SLC4A8: variants seen among roughly 807,000 people sequenced by gnomAD.
The protein encoded by SLC4A8 is electroneutral sodium bicarbonate exchanger 1.
SLC4A8 carries 40 observed loss-of-function variants against 125.0 expected under a neutral mutation model. The ratio of observed to expected loss-of-function variants is 0.32; its 90% CI spans 0.25 to 0.42. The LOEUF is 0.42. SLC4A8 is among the 10% of genes least tolerant of loss of function. The pLI, the probability that SLC4A8 is intolerant of heterozygous loss-of-function variation, is 1.00. For synonymous variants in SLC4A8, 456 were observed against 476.0 expected (o/e 0.96, Z 0.55); for missense variants, 863 against 1,355.1 (o/e 0.64, Z 5.70).
At chr12:51,457,284 C>G in intron 5 of SLC4A8, 67 bp from the exon 6 acceptor site, 2 of 1,400,432 alleles carry the variant, frequency 1.4e-6, no homozygotes, top group Admixed American at 3.6e-5. Flanking sequence ...CCCACTCCAC[C>G]TGATGTTGGC....
chr12:51,393,762 T>A (rs1948207181), intron 1 of SLC4A8, among the ~76,000 whole-genome samples: 1 of 152,136 alleles, frequency 6.6e-6, no homozygotes, highest in African/African-American at 2.4e-5. Context: ...TTCCACCAAC[T>A]CCCTTCCTTT....
intron 16 of SLC4A8, among the ~76,000 whole-genome samples, chr12:51,482,296 ATAAT>A (rs1445563688): frequency 2.6e-5 from 4 of 152,174 alleles, no homozygotes; most frequent in African/African-American, 9.6e-5. Context: ...AAATAAAATA[ATAAT>A]TTGATAAATA....
chr12:51,397,180 G>A (rs916306695), intron 1 of SLC4A8, among the ~76,000 whole-genome samples: 4 of 151,770 alleles, frequency 2.6e-5, no homozygotes, highest in African/African-American at 7.3e-5. Context: ...CGCCCACCTC[G>A]GCCTCCCAAA....
In SLC4A8 at chr12:51,488,807, A is replaced by G; in HGVS notation, c.2395A>G (p.Met799Val). The G allele has an allele frequency of 6.2e-7, 1 of 1,613,860 alleles. No individual in the cohort carries two copies. Among genetic ancestry groups the G allele is most frequent in the South Asian group, 1.1e-5 (1 of 91,060 alleles). ...TCTTCTCTGTACTATCTTGATATTC[A>G]TGGATCAGCAGATCACAGCCGTCAT... ...PALLCTILIFMDQQITAVIIN... is the reference protein window; with the variant it reads ...PALLCTILIFVDQQITAVIIN... The change falls in exon 18 of 25, where the codon ATG (methionine) becomes GTG (valine). Residue 799 changes from methionine to valine, a missense_variant. Physicochemically the swap from Met to Val is conservative, Grantham distance 21. Coordinates refer to ENST00000453097, the MANE Select transcript of SLC4A8 (RefSeq NM_001039960.3).
intron 1 of SLC4A8, among the ~76,000 whole-genome samples, chr12:51,426,421 T>C (rs1948981569): frequency 6.6e-6 from 1 of 152,222 alleles, no homozygotes; most frequent in South Asian, 2.1e-4. Flanking sequence ...AGTACTATTT[T>C]TAATCAAATA....
In SLC4A8 at chr12:51,418,638, G is replaced by A. The variant is rs75838586; in HGVS notation, c.-111-22070G>A. Among the ~76,000 whole-genome samples the A allele has an allele frequency of 4.1e-3, 623 of 152,216 alleles. 24 individuals carry two copies. The East Asian group carries it at 0.092, about 22-fold the overall frequency. ...CTCTGCCTTCTTTAAGGAGGGGGCC[G>A]GCCCTTTCAATTTGGTAAAATGTTA... On this transcript the variant is annotated intron_variant, in intron 1 of 24. Transcript: ENST00000358657.
At chr12:51,452,003 CT>C in intron 3 of SLC4A8, 120 bp from the exon 4 acceptor site, 1 of 889,694 alleles carries the variant, frequency 1.1e-6, no homozygotes, top group Non-Finnish European at 1.7e-6. Context: ...ATAAAGAAAT[CT>C]TTTTCTTCTG....
At chr12:51,459,833 C>T in intron 7 of SLC4A8, 118 bp from the exon 8 acceptor site, 1 of 811,806 alleles carries the variant, frequency 1.2e-6, no homozygotes, top group Non-Finnish European at 2.0e-6. Flanking sequence ...TGCGCCACTG[C>T]ACTCCAGAGT....
chr12:51,441,080 T>G (rs1949578845), intron 2 of SLC4A8: 2 of 1,082,600 alleles, frequency 1.8e-6, no homozygotes. Context: ...GAGAATGTGA[T>G]GTACTCAGTT....
rs2137903023 is a variant in SLC4A8 at position 51,393,657 on chromosome 12, G to C, written c.-112+2169G>C. Reference sequence around the variant, plus strand: ...AGAGTTGCCCAGCTACACATGATCAGAGTGACGTGAAGGATGGACATTCTC... The same window carrying C: ...AGAGTTGCCCAGCTACACATGATCACAGTGACGTGAAGGATGGACATTCTC... On this transcript the variant is annotated intron_variant, in intron 1 of 24. Coordinates refer to the SLC4A8 transcript ENST00000358657. Among the ~76,000 whole-genome samples, 3 of 152,352 alleles carry C rather than the reference G, an allele frequency of 2.0e-5. No homozygotes were observed. In the South Asian group the frequency reaches 6.2e-4, roughly 32 times the overall value.
intron 1 of SLC4A8, among the ~76,000 whole-genome samples, chr12:51,436,588 C>G (rs1275176160): frequency 2.0e-5 from 3 of 152,002 alleles, no homozygotes. Context: ...TCTTTTGTGA[C>G]TTTTTCTTCT....
intron 9 of SLC4A8, chr12:51,462,054 C>A: frequency 2.8e-6 from 1 of 359,864 alleles, no homozygotes; most frequent in Non-Finnish European, 5.0e-6. Context: ...CATAATTGTA[C>A]AACTTTAGAC....
chr12:51,474,981 G>C, intron 15 of SLC4A8, 64 bp from the exon 16 acceptor site: 1 of 1,435,700 alleles, frequency 7.0e-7, no homozygotes, highest in East Asian at 2.3e-5. Context: ...GGTGGACTCA[G>C]TAGGAAACAG....
At position 51,424,888 on chromosome 12, in the gene SLC4A8, G is replaced by T. The variant is rs966050473; in HGVS notation, c.-100G>T. The stretch of plus-strand genomic sequence containing the variant: ...GATGGTTGACCGTTGGCTCCGGGGT[G>T]GGGGTCGCCGTTCGAGTGATCTGCT... On this transcript the variant is annotated 5_prime_UTR_variant, in exon 1 of 25. Transcript: ENST00000453097. 8 of 1,283,420 alleles carry T rather than the reference G, an allele frequency of 6.2e-6. No individual in the cohort carries two copies. The highest frequency in any genetic ancestry group is 3.7e-4 in the Middle Eastern group (2 of 5,430). 79.5% of individuals were successfully genotyped at this position (1,283,420 alleles called of 1,614,324 possible).
intron 21 of SLC4A8, among the ~76,000 whole-genome samples, chr12:51,496,125 C>T (rs561342715): frequency 1.9e-3 from 286 of 152,062 alleles, no homozygotes; most frequent in Non-Finnish European, 3.5e-3. Context: ...TCGTGTGTTA[C>T]GTTCATGGGT....
At chr12:51,445,042 G>A (rs1281845345) in intron 2 of SLC4A8, among the ~76,000 whole-genome samples, 1 of 152,190 alleles carries the variant, frequency 6.6e-6, no homozygotes, top group Non-Finnish European at 1.5e-5. Flanking sequence ...TGGGATGGCT[G>A]TATTGAAGAA....
At chr12:51,464,664 G>A (rs1191508503) in intron 11 of SLC4A8, among the ~76,000 whole-genome samples, 5 of 152,162 alleles carry the variant, frequency 3.3e-5, no homozygotes, top group Non-Finnish European at 5.9e-5. Context: ...TCTCAGGGCA[G>A]GACTGAGATC....
chr12:51,478,022 A>G (rs1950904399), intron 16 of SLC4A8, among the ~76,000 whole-genome samples: 1 of 152,138 alleles, frequency 6.6e-6, no homozygotes. Flanking sequence ...CACGCCTGTA[A>G]TCCCAGAACT....
rs1205320687 is a variant in SLC4A8 at position 51,512,121 on chromosome 12, T to C, written c.*4683T>C. On this transcript the variant is annotated 3_prime_UTR_variant, in exon 25 of 25. Coordinates refer to ENST00000453097, the MANE Select transcript of SLC4A8 (RefSeq NM_001039960.3). ...GACCTTCTGTCAGGTTGGCTTACAT[T>C]ATCATCAACAGGTTGCCGTAGTGAT... 6.6e-6 allele frequency: 1 copy of C among 152,242 alleles called. No individual in the cohort carries two copies. The highest frequency in any genetic ancestry group is 1.5e-5 in the Non-Finnish European group (1 of 68,044). The allele number at this position is 152,242 out of a possible 1,614,324, so 9.4% of individuals were successfully genotyped here. A position where few individuals can be genotyped will look rare whatever the true frequency, so the allele number is the denominator to read the frequency against.
Sources: gnomAD v4.1 joint callset for allele counts (sites outside exome capture counted in the v4.1 genomes callset) on GRCh38, gnomAD v4.1.1 for gene constraint, MANE v1.5 for transcripts, NCBI Gene and HGNC (gene_info 2026-07-23, HGNC 2026-07-21) for gene names.